The following TKT variants were observed in gnomAD, a reference collection of about 807,000 sequenced individuals.
TKT encodes epididymis luminal protein 107.
Under a neutral mutation model 63.9 loss-of-function variants are expected in TKT, and 47 were observed. The ratio of observed to expected loss-of-function variants is 0.74; its 90% confidence interval spans 0.58 to 0.94. The LOEUF (loss-of-function observed/expected upper bound fraction) is 0.94, where lower values mean the gene tolerates loss of function less well. TKT is among the 40% of genes least tolerant of loss of function. The probability of loss-of-function intolerance (pLI) is 0.00; values close to 1 mark genes in which losing one functional copy is unlikely to be tolerated. For synonymous variants in TKT, 338 were observed against 334.1 expected (o/e 1.01, Z -0.13); for missense variants, 721 against 846.2 (o/e 0.85, Z 1.84).
intron 2 of TKT, 32 bp from the exon 3 acceptor site, chr3:53,241,277 G>T: frequency 1.3e-6 from 2 of 1,571,762 alleles, no homozygotes; most frequent in Non-Finnish European, 8.6e-7. Context: ...GGTGAGGTCA[G>T]GTGGGGAGCG....
In TKT at chr3:53,230,502, C is replaced by T. The variant is rs782311050; in HGVS notation, c.1062G>A (p.Glu354=). The change falls in exon 8 of 14, where the codon GAG becomes GAA. Residue 354 remains glutamate, a synonymous_variant. Transcript: ENST00000462138. The part of the protein sequence containing the change: ...NSTFSEIFKK[E]HPDRFIECYI... ...AGCACTCGATGAAGCGGTCCGGGTGCTCCTTTTTGAAGATCTCCGAGAAGG... is the reference window on the plus strand; with the variant it reads ...AGCACTCGATGAAGCGGTCCGGGTGTTCCTTTTTGAAGATCTCCGAGAAGG... The T allele has an allele frequency of 1.9e-6, 3 of 1,614,228 alleles. No individual in the cohort carries two copies. The Admixed American group carries it at 5.0e-5, about 27-fold the overall frequency.
intron 5 of TKT, 27 bp downstream of exon 5, chr3:53,234,956 A>G (rs782356604): frequency 3.2e-5 from 51 of 1,583,514 alleles, no homozygotes; most frequent in Middle Eastern, 1.7e-4. Context: ...TGCTGTGACC[A>G]CACTCAGGCC....
chr3:53,231,231 G>C, intron 7 of TKT, 126 bp downstream of exon 7: 3 of 1,052,938 alleles, frequency 2.8e-6, no homozygotes, highest in Non-Finnish European at 4.1e-6. Context: ...CAACACCTCA[G>C]GGATCACTCC....
chr3:53,228,156 G>T lies in TKT; in HGVS notation c.1480-7C>A, dbSNP rs1243918350. 4.3e-6 allele frequency: 7 copies of T among 1,613,972 alleles called. No homozygotes were observed. The highest frequency in any genetic ancestry group is 4.0e-5 in the African/African-American group (3 of 74,934). ...CCTTGCTCTTCAGGACCACCTGGGG[G>T]TGACACAGAGGGTGAGTAAGGCTCA... On this transcript the variant is annotated splice_region_variant and splice_polypyrimidine_tract_variant and intron_variant, in intron 11 of 13. Transcript: ENST00000462138.
At position 53,235,160 on chromosome 3, in the gene TKT, C is replaced by G. The variant is rs782253166; in HGVS notation, c.452G>C (p.Cys151Ser). The change falls in exon 5 of 14, where the codon TGC becomes TCC. Residue 151 changes from cysteine to serine, a missense_variant. By Grantham distance (112) the Cys-to-Ser change is moderately radical. Coordinates refer to ENST00000462138, the MANE Select transcript of TKT (RefSeq NM_001064.4). ...YFDKASYRVY[C>S]LLGDGELSEG... ...TGACAGCTCCCCGTCTCCCAGCAAGCAATAGACTCGGTAGCTGTGGACAGA... is the reference window on the plus strand; with the variant it reads ...TGACAGCTCCCCGTCTCCCAGCAAGGAATAGACTCGGTAGCTGTGGACAGA... 1.3e-5 allele frequency: 21 copies of G among 1,611,892 alleles called. No individual in the cohort carries two copies. The highest frequency in any genetic ancestry group is 1.6e-5 in the Non-Finnish European group (19 of 1,179,012).
chr3:53,228,724 C>T (rs1472648870), intron 10 of TKT: 2 of 533,758 alleles, frequency 3.7e-6, no homozygotes, highest in Non-Finnish European at 6.7e-6. Context: ...TCTTGGAGAA[C>T]CCAACTCAGG....
intron 8 of TKT, among the ~76,000 whole-genome samples, chr3:53,230,001 T>C (rs945392027): frequency 2.6e-5 from 4 of 152,236 alleles, no homozygotes; most frequent in African/African-American, 9.6e-5. Flanking sequence ...GACAAGGGTC[T>C]GCTTCCCCAA....
intron 5 of TKT, chr3:53,233,787 G>T (rs1704881189): frequency 1.3e-5 from 2 of 152,320 alleles, no homozygotes; most frequent in African/African-American, 4.8e-5. Flanking sequence ...CTCTTGAAAA[G>T]CTATCCTTTT....
chr3:53,235,225 G>GCGGGGGGGGGGGGGCCCC, intron 4 of TKT, 51 bp from the exon 5 acceptor site: 1 of 1,504,136 alleles, frequency 6.6e-7, no homozygotes, highest in Admixed American at 2.0e-5. Flanking sequence ...GACCCAGCTG[G>GCGGGGGGGGGGGGGCCCC]CTCCCACCCC....
intron 1 of TKT, among the ~76,000 whole-genome samples, chr3:53,244,943 C>T (rs952770239): frequency 1.3e-5 from 2 of 151,362 alleles, no homozygotes; most frequent in Non-Finnish European, 2.9e-5. Flanking sequence ...CCACTTACAA[C>T]CCCAATTAGT....
chr3:53,252,636 G>A (rs782511595), intron 1 of TKT, among the ~76,000 whole-genome samples: 1 of 152,062 alleles, frequency 6.6e-6, no homozygotes, highest in African/African-American at 2.4e-5. Flanking sequence ...GAGGGGTAAC[G>A]GCGGTGAGGA....
chr3:53,245,875 C>A (rs1575572544), intron 1 of TKT, among the ~76,000 whole-genome samples: 1 of 152,160 alleles, frequency 6.6e-6, no homozygotes, highest in East Asian at 1.9e-4. Context: ...TAAAAATAAA[C>A]CAGATCAGTA....
At chr3:53,232,919 C>T in intron 6 of TKT, 1 of 500,308 alleles carries the variant, frequency 2.0e-6, no homozygotes, top group Non-Finnish European at 3.5e-6. Flanking sequence ...CCTCCAAGTC[C>T]CTCCTCTCCT....
At chr3:53,247,396 G>GCCA in intron 1 of TKT, among the ~76,000 whole-genome samples, 1 of 149,476 alleles carries the variant, frequency 6.7e-6, no homozygotes, top group East Asian at 2.0e-4. Flanking sequence ...GAGGCCAGGG[G>GCCA]CGGTGGCTCA....
At chr3:53,240,496 C>T in intron 3 of TKT, 148 bp from the exon 4 acceptor site, 1 of 627,802 alleles carries the variant, frequency 1.6e-6, no homozygotes, top group Non-Finnish European at 2.7e-6. Context: ...CATGTGACTT[C>T]TTCTCCTAAT....
At chr3:53,247,673 C>T (rs1418585819) in intron 1 of TKT, among the ~76,000 whole-genome samples, 1 of 148,588 alleles carries the variant, frequency 6.7e-6, no homozygotes, top group East Asian at 2.0e-4. Context: ...AGGAGAGAAT[C>T]CCAGGATGTC....
chr3:53,229,908 A>C (rs113656540), intron 8 of TKT, among the ~76,000 whole-genome samples: 10 of 152,306 alleles, frequency 6.6e-5, no homozygotes, highest in African/African-American at 2.2e-4. Flanking sequence ...CCTGCAAGCC[A>C]GGCTGGGCTC....
chr3:53,242,167 C>A lies in TKT; in HGVS notation c.183G>T (p.Gln61His). 6.2e-7 allele frequency: 1 copy of A among 1,614,148 alleles called. No individual in the cohort carries two copies. The highest frequency in any genetic ancestry group is 8.5e-7 in the Non-Finnish European group (1 of 1,180,032). The part of the protein sequence containing the change: ...LFFHTMRYKS[Q>H]DPRNPHNDRF... ...GGTCATTGTGCGGATTCCGGGGGTC[C>A]TGGGACTTGTAGCGCATGGTGTGGA... Residue 61 changes from glutamine (Q) to histidine (H), a missense_variant, in exon 2 of 14, where the codon CAG (glutamine) becomes CAT (histidine). Physicochemically the swap from Gln to His is conservative, Grantham distance 24. Coordinates refer to ENST00000462138, the MANE Select transcript of TKT (RefSeq NM_001064.4).
At position 53,225,477 on chromosome 3, in the gene TKT, C is replaced by A. The variant is rs75821915; in HGVS notation, c.*279G>T. ...TCACCTGGTGATGAATGGGAGGCAG[C>A]GATAGTTCTGGAGGTTGAGGGCAGT... On this transcript the variant is annotated 3_prime_UTR_variant, in exon 14 of 14. Transcript: ENST00000462138. 176 of 293,698 alleles carry A rather than the reference C, an allele frequency of 6.0e-4. No homozygotes were observed. The highest frequency in any genetic ancestry group is 3.4e-3 in the African/African-American group (160 of 46,442). 18.2% of individuals were successfully genotyped at this position (293,698 alleles called of 1,614,324 possible).
Sources: allele counts gnomAD v4.1 joint callset (sites outside exome capture counted in the v4.1 genomes callset), GRCh38; gene constraint gnomAD v4.1.1; transcripts MANE v1.5; gene names NCBI Gene and HGNC (gene_info 2026-07-23, HGNC 2026-07-21).